Variants in SETBP1 observed in about 807,000 individuals in gnomAD.
SETBP1 encodes the protein SET binding protein 1, also known as SET-binding protein.
SETBP1 carries 9 observed loss-of-function variants against 101.0 expected under a neutral mutation model. The observed-to-expected ratio is 0.09, with a 90% confidence interval of 0.05 to 0.16. SETBP1 has a LOEUF of 0.16. SETBP1 is among the 10% of genes least tolerant of loss of function. SETBP1 has a pLI of 1.00. For missense variants in SETBP1, 1,858 were observed against 2,033.8 expected, an observed-to-expected ratio of 0.91 and a Z score of 1.66; for synonymous variants, 818 against 788.5, an observed-to-expected ratio of 1.04 and a Z score of -0.63.
chr18:44,868,452 TG>T (rs2144674050), intron 2 of SETBP1, among the ~76,000 whole-genome samples: 1 of 152,120 alleles, frequency 6.6e-6, no homozygotes, highest in African/African-American at 2.4e-5. Flanking sequence ...CCCAGCACTT[TG>T]GGAGGCCAAG....
intron 3 of SETBP1, among the ~76,000 whole-genome samples, chr18:44,927,975 C>T (rs1381796688): frequency 1.3e-5 from 2 of 152,160 alleles, no homozygotes; most frequent in African/African-American, 4.8e-5. Flanking sequence ...TACATATGCA[C>T]AATGTGCAGC....
intron 4 of SETBP1, among the ~76,000 whole-genome samples, chr18:44,960,262 G>C (rs1013579640): frequency 6.6e-6 from 1 of 152,168 alleles, no homozygotes; most frequent in African/African-American, 2.4e-5. Flanking sequence ...AGTGAGGAAA[G>C]AATATTGTGG....
chr18:44,686,895 C>A (rs2068849387), intron 1 of SETBP1, among the ~76,000 whole-genome samples: 1 of 152,192 alleles, frequency 6.6e-6, no homozygotes, highest in Non-Finnish European at 1.5e-5. Context: ...CTCATTCAAT[C>A]ATCAAATATT....
intron 2 of SETBP1, among the ~76,000 whole-genome samples, chr18:44,842,946 G>A (rs28600969): frequency 0.32 from 48,039 of 151,858 alleles, 7,611 homozygotes; most frequent in South Asian, 0.39. Flanking sequence ...GCAGAGCCAT[G>A]GGGGGACTCC....
chr18:44,848,177 G>C lies in SETBP1; in HGVS notation c.487-21053G>C, dbSNP rs145812005. ...TGTAAACTACTGGGTAAGAAGAACA[G>C]CAAAGAGTCAGTGTGGCTGAAGCCC... On this transcript the variant is annotated intron_variant, in intron 2 of 5. Coordinates refer to ENST00000649279, the MANE Select transcript of SETBP1 (RefSeq NM_015559.3). Among the ~76,000 whole-genome samples, 4 of 152,216 alleles carry C rather than the reference G, an allele frequency of 2.6e-5. No homozygotes were observed. In the East Asian group the frequency reaches 7.7e-4, roughly 29 times the overall value.
At chr18:44,932,166 T>C (rs1340186880) in intron 3 of SETBP1, among the ~76,000 whole-genome samples, 1 of 152,210 alleles carries the variant, frequency 6.6e-6, no homozygotes, top group Non-Finnish European at 1.5e-5. Flanking sequence ...ATTTGTTTAT[T>C]GTAAAGGATT....
In SETBP1 at chr18:44,714,335, A is replaced by G. The variant is rs578018210; in HGVS notation, c.486+12503A>G. On this transcript the variant is annotated intron_variant, in intron 2 of 5. Coordinates refer to ENST00000649279, the MANE Select transcript of SETBP1 (RefSeq NM_015559.3). ...TGCCTCAGCCTCCTGAGTAGCTGGG[A>G]CTACAGGTGCATGCCACAACACCGG... is the stretch of plus-strand genomic sequence containing the variant. Among the ~76,000 whole-genome samples the G allele has an allele frequency of 9.0e-4, 137 of 152,106 alleles. 1 individual carries two copies. Among genetic ancestry groups the G allele is most frequent in the African/African-American group, 3.1e-3 (128 of 41,482 alleles).
At chr18:45,024,513 G>A (rs2073127727) in intron 4 of SETBP1, among the ~76,000 whole-genome samples, 1 of 152,120 alleles carries the variant, frequency 6.6e-6, no homozygotes, top group African/African-American at 2.4e-5. Context: ...CCCACCGAGG[G>A]CTCTTCATCT....
At chr18:44,742,947 T>TTCTCTCTC (rs756180174) in intron 2 of SETBP1, among the ~76,000 whole-genome samples, 3 of 144,470 alleles carry the variant, frequency 2.1e-5, no homozygotes, top group African/African-American at 7.7e-5. Context: ...CTCTCCCTCC[T>TTCTCTCTC]TCTCTCTCTC....
At chr18:44,685,012 T>C (rs2068814119) in intron 1 of SETBP1, among the ~76,000 whole-genome samples, 1 of 152,094 alleles carries the variant, frequency 6.6e-6, no homozygotes, top group Non-Finnish European at 1.5e-5. Context: ...ACCCTGTTCA[T>C]AGCAAATGAT....
intron 3 of SETBP1, among the ~76,000 whole-genome samples, chr18:44,916,029 C>A (rs1264056289): frequency 1.3e-5 from 2 of 152,020 alleles, no homozygotes; most frequent in Non-Finnish European, 2.9e-5. Flanking sequence ...AGTGTGAGAC[C>A]AGCCTGGGCA....
intron 4 of SETBP1, among the ~76,000 whole-genome samples, chr18:44,958,733 T>A (rs548941560): frequency 4.1e-4 from 63 of 152,268 alleles, no homozygotes; most frequent in African/African-American, 1.5e-3. Flanking sequence ...ATGTTTTCCT[T>A]TGCTGTGAGC....
At chr18:44,868,258 T>TA (rs1160304014) in intron 2 of SETBP1, among the ~76,000 whole-genome samples, 1 of 152,152 alleles carries the variant, frequency 6.6e-6, no homozygotes, top group African/African-American at 2.4e-5. Context: ...GTATAAATGA[T>TA]AAAATCCTAA....
chr18:44,792,574 G>T (rs183073738), intron 2 of SETBP1, among the ~76,000 whole-genome samples: 1 of 152,348 alleles, frequency 6.6e-6, no homozygotes, highest in Admixed American at 6.5e-5. Context: ...ACCGCCTGGA[G>T]TACCTGGACC....
At chr18:44,834,555 A>G (rs1203138959) in intron 2 of SETBP1, among the ~76,000 whole-genome samples, 1 of 152,200 alleles carries the variant, frequency 6.6e-6, no homozygotes, top group Non-Finnish European at 1.5e-5. Flanking sequence ...CGGAAGCTAT[A>G]GAAGAGGCAC....
chr18:45,018,108 A>C (rs1291560056), intron 4 of SETBP1, among the ~76,000 whole-genome samples: 1 of 152,178 alleles, frequency 6.6e-6, no homozygotes, highest in Non-Finnish European at 1.5e-5. Context: ...ACAGATTTTG[A>C]GTGATTCTCC....
intron 2 of SETBP1, among the ~76,000 whole-genome samples, chr18:44,739,876 A>G (rs929733165): frequency 1.3e-5 from 2 of 152,192 alleles, no homozygotes; most frequent in South Asian, 2.1e-4. Flanking sequence ...ATACGTGGGA[A>G]GTGGAGGGGT....
At chr18:44,966,820 C>A (rs981747878) in intron 4 of SETBP1, among the ~76,000 whole-genome samples, 4 of 152,178 alleles carry the variant, frequency 2.6e-5, no homozygotes, top group African/African-American at 9.7e-5. Context: ...GCTCGTAGTG[C>A]AACCTTGGGC....
intron 5 of SETBP1, among the ~76,000 whole-genome samples, chr18:45,047,171 C>A (rs1182841010): frequency 1.3e-5 from 2 of 152,086 alleles, no homozygotes; most frequent in African/African-American, 4.8e-5. Flanking sequence ...CCATTGAAGC[C>A]CAGTGGGAGG....
Sources: gnomAD v4.1 joint callset for allele counts (sites outside exome capture counted in the v4.1 genomes callset) on GRCh38, gnomAD v4.1.1 for gene constraint, MANE v1.5 for transcripts, NCBI Gene and HGNC (gene_info 2026-07-23, HGNC 2026-07-21) for gene names.